The following NXNL2 variants were observed in gnomAD, a reference collection of about 807,000 sequenced individuals.
The protein encoded by NXNL2 is nucleoredoxin-like protein 2.
In NXNL2, 7 loss-of-function variants were observed where a neutral mutation model predicts 11.1. That is an observed-to-expected ratio of 0.63 (90% CI 0.36 to 1.18). The LOEUF (loss-of-function observed/expected upper bound fraction) is 1.18, where lower values mean the gene tolerates loss of function less well. NXNL2 is among the 50% of genes most tolerant of loss of function. The pLI is 0.02. For missense variants in NXNL2, 233 were observed against 217.7 expected (o/e 1.07, Z -0.44); for synonymous variants, 109 against 101.8 (o/e 1.07, Z -0.42).
At chr9:88,552,473 G>GGTTTTTTTTTTTTTTTTTTT (rs796387920) in intron 1 of NXNL2, among the ~76,000 whole-genome samples, 1 of 131,566 alleles carries the variant, frequency 7.6e-6, no homozygotes, top group African/African-American at 2.8e-5. Flanking sequence ...AAACATGCAT[G>GGTTTTTTTTTTTTTTTTTTT]TTTTTTTTTT....
intron 1 of NXNL2, among the ~76,000 whole-genome samples, chr9:88,536,549 C>T (rs1200551270): frequency 6.6e-6 from 1 of 151,798 alleles, no homozygotes; most frequent in Admixed American, 6.6e-5. Flanking sequence ...GTCCTGGCCA[C>T]CCCCTTCTAG....
chr9:88,566,273 C>T (rs938456871), intron 1 of NXNL2, among the ~76,000 whole-genome samples: 6 of 151,838 alleles, frequency 4.0e-5, no homozygotes, highest in African/African-American at 1.5e-4. Flanking sequence ...AGGCCAATGT[C>T]ATGAAGATTT....
At chr9:88,558,436 T>C (rs1160781998) in intron 1 of NXNL2, among the ~76,000 whole-genome samples, 1 of 152,196 alleles carries the variant, frequency 6.6e-6, no homozygotes, top group Non-Finnish European at 1.5e-5. Context: ...CTGTATCCTT[T>C]TTCATATATT....
intron 1 of NXNL2, among the ~76,000 whole-genome samples, chr9:88,537,804 A>G (rs1055531267): frequency 1.3e-5 from 2 of 152,168 alleles, no homozygotes; most frequent in African/African-American, 4.8e-5. Context: ...TTTGGTGAGT[A>G]GTTGAAGCAA....
chr9:88,546,148 CGTGTGTGTGTGTGT>C (rs747134247), downstream of NXNL2, among the ~76,000 whole-genome samples: 3 of 147,376 alleles, frequency 2.0e-5, no homozygotes, highest in Admixed American at 2.0e-4. Flanking sequence ...ACTGAGTGTT[CGTGTGTGTGTGTGT>C]GTGTGTGTGT....
chr9:88,578,764 A>G (rs535038013), downstream of NXNL2, among the ~76,000 whole-genome samples: 2 of 152,380 alleles, frequency 1.3e-5, no homozygotes, highest in South Asian at 4.1e-4. Context: ...GGTGGAGCTC[A>G]GCCTCGACTG....
chr9:88,537,943 G>T (rs929749715), intron 1 of NXNL2, among the ~76,000 whole-genome samples: 1 of 152,238 alleles, frequency 6.6e-6, no homozygotes, highest in Non-Finnish European at 1.5e-5. Context: ...CAAGGATGTG[G>T]CTGTGTTAGT....
chr9:88,535,836 C>G, intron 1 of NXNL2, 100 bp downstream of exon 1: 1 of 875,000 alleles, frequency 1.1e-6, no homozygotes, highest in Non-Finnish European at 1.7e-6. Flanking sequence ...ATGACGCCCC[C>G]CCCCAACACC....
downstream of NXNL2, among the ~76,000 whole-genome samples, chr9:88,577,623 A>G (rs372173297): frequency 2.7e-5 from 4 of 149,394 alleles, no homozygotes; most frequent in South Asian, 2.1e-4. Context: ...TGGAGAGAGA[A>G]AGAGAGAGAG....
At chr9:88,550,026 C>G (rs1404621848) in intron 1 of NXNL2, among the ~76,000 whole-genome samples, 2 of 152,102 alleles carry the variant, frequency 1.3e-5, no homozygotes, top group African/African-American at 4.8e-5. Context: ...GGGATTTCTC[C>G]ATTTTGGTCT....
chr9:88,575,297 G>A, exon 3 of NXNL2: 1 of 288,142 alleles, frequency 3.5e-6, no homozygotes, highest in Non-Finnish European at 5.2e-6. Flanking sequence ...AGAGGTATCT[G>A]CACCCCCATG....
At chr9:88,540,935 ATTTTTTTT>A (rs71507764) in intron 1 of NXNL2, among the ~76,000 whole-genome samples, 13,115 of 90,764 alleles carry the variant, frequency 0.14, 1,680 homozygotes, top group East Asian at 0.74. Flanking sequence ...ATCTCAGTAG[ATTTTTTTT>A]TTTTTTTTTT....
intron 1 of NXNL2, among the ~76,000 whole-genome samples, chr9:88,559,773 G>A (rs950374927): frequency 3.3e-5 from 5 of 152,182 alleles, no homozygotes; most frequent in Non-Finnish European, 7.3e-5. Flanking sequence ...TGGCCTCAGT[G>A]GAAAGAGTGT....
downstream of NXNL2, among the ~76,000 whole-genome samples, chr9:88,545,986 C>T (rs148324986): frequency 0.015 from 2,278 of 152,168 alleles, 62 homozygotes; most frequent in African/African-American, 0.051. Flanking sequence ...AGGCTGGTCT[C>T]GAACTCCTTA....
intron 1 of NXNL2, among the ~76,000 whole-genome samples, chr9:88,540,666 T>G (rs1829735587): frequency 6.6e-6 from 1 of 152,202 alleles, no homozygotes; most frequent in Non-Finnish European, 1.5e-5. Context: ...ACATTTTTAT[T>G]TTTTCCCACT....
At chr9:88,547,608 A>G (rs1182377731), downstream of NXNL2, among the ~76,000 whole-genome samples, 3 of 152,226 alleles carry the variant, frequency 2.0e-5, no homozygotes, top group East Asian at 1.9e-4. Flanking sequence ...AGGGTGTCCT[A>G]TGCTAATTTT....
chr9:88,576,972 G>T (rs1830355131), downstream of NXNL2, among the ~76,000 whole-genome samples: 1 of 152,034 alleles, frequency 6.6e-6, no homozygotes, highest in Admixed American at 6.6e-5. Context: ...GTAGGTAGGG[G>T]GGGTCCCAGC....
downstream of NXNL2, among the ~76,000 whole-genome samples, chr9:88,576,672 C>T (rs954920843): frequency 5.3e-5 from 8 of 152,134 alleles, no homozygotes; most frequent in African/African-American, 1.9e-4. Context: ...CAACTTGTGT[C>T]TTCTTGGCTG....
At chr9:88,540,972 G>A (rs1256034682) in intron 1 of NXNL2, among the ~76,000 whole-genome samples, 1 of 132,102 alleles carries the variant, frequency 7.6e-6, no homozygotes, top group Admixed American at 8.1e-5. Flanking sequence ...TGGAGCTAGG[G>A]TCTTGCACCA....
Sources: allele counts gnomAD v4.1 joint callset (sites outside exome capture counted in the v4.1 genomes callset), GRCh38; gene constraint gnomAD v4.1.1; transcripts MANE v1.5; gene names NCBI Gene and HGNC (gene_info 2026-07-23, HGNC 2026-07-21).